Variants in NEUROD1 observed in about 807,000 individuals in gnomAD.
The protein encoded by NEUROD1 is neuronal differentiation 1, also known as neurogenic differentiation factor 1.
A neutral mutation model predicts 21.8 loss-of-function variants in NEUROD1; 9 were observed. That is an observed-to-expected ratio of 0.41 (90% CI 0.25 to 0.72). The LOEUF (loss-of-function observed/expected upper bound fraction) is 0.72. Ranked by LOEUF, NEUROD1 falls within the 30% of genes least tolerant of loss-of-function variation. The pLI is 0.31. For synonymous variants in NEUROD1, 199 were observed against 186.2 expected (o/e 1.07, Z -0.56); for missense variants, 434 against 468.8 (o/e 0.93, Z 0.69).
In NEUROD1 at chr2:181,678,160, A is replaced by C; in HGVS notation, c.701T>G (p.Met234Arg). 6.2e-7 allele frequency: 1 copy of C among 1,614,158 alleles called. No individual in the cohort carries two copies. Among genetic ancestry groups the C allele is most frequent in the Non-Finnish European group, 8.5e-7 (1 of 1,180,026 alleles). ...AACGTGGAAGACATGGGAGCTGTCCATGGTACCGTAAGGCGGACTGGGCAG... is the reference window on the plus strand; with the variant it reads ...AACGTGGAAGACATGGGAGCTGTCCCTGGTACCGTAAGGCGGACTGGGCAG... ...PGLPSPPYGT[M>R]DSSHVFHVKP... The change falls in exon 2 of 2, where the codon ATG (methionine) becomes AGG (arginine). Residue 234 changes from methionine (M) to arginine (R), a missense_variant. By Grantham distance (91) the Met-to-Arg change is moderately conservative. Coordinates refer to ENST00000295108, the MANE Select transcript of NEUROD1 (RefSeq NM_002500.5). The surrounding 1 kb of genome is among the most constrained non-coding windows in gnomAD (Gnocchi z 5.5).
downstream of NEUROD1, among the ~76,000 whole-genome samples, chr2:181,670,275 C>T (rs1056658366): frequency 1.3e-5 from 2 of 152,132 alleles, no homozygotes; most frequent in Non-Finnish European, 2.9e-5. Flanking sequence ...TCACACTTCA[C>T]TAAATGTAGA....
downstream of NEUROD1, among the ~76,000 whole-genome samples, chr2:181,676,120 C>T (rs1203423857): frequency 6.6e-6 from 1 of 151,934 alleles, no homozygotes; most frequent in Non-Finnish European, 1.5e-5. Context: ...TAAAATCCAC[C>T]TTTTAAAAAA....
At chr2:181,675,283 A>G (rs1289397510), downstream of NEUROD1, among the ~76,000 whole-genome samples, 2 of 152,246 alleles carry the variant, frequency 1.3e-5, no homozygotes, top group African/African-American at 4.8e-5. Context: ...TTGCTCTCAA[A>G]CATTTTTTTA....
Position 181,678,734 on chromosome 2 carries a change from G to T in NEUROD1, c.127C>A (p.Leu43Ile). 1 of 1,612,314 alleles carries T rather than the reference G, an allele frequency of 6.2e-7. No homozygotes were observed. The highest frequency in any genetic ancestry group is 1.1e-5 in the South Asian group (1 of 90,928). The change falls in exon 2 of 2, where the codon CTC becomes ATC. Residue 43 changes from leucine (L) to isoleucine (I), a missense_variant. Physicochemically the swap from Leu to Ile is conservative, Grantham distance 5 (BLOSUM62 2). Coordinates refer to ENST00000295108, the MANE Select transcript of NEUROD1 (RefSeq NM_002500.5). This position sits in a 1 kb window ranked among gnomAD's most constrained non-coding sequence, Gnocchi z 5.5. Reference protein sequence around the residue: ...EHEADKKEDDLETMNAEEDSL... With the variant: ...EHEADKKEDDIETMNAEEDSL... ...TCCTCCTCTGCGTTCATGGTTTCGA[G>T]GTCGTCCTCCTTCTTGTCTGCCTCG...
At chr2:181,679,405 G>C (rs1688657451) in intron 1 of NEUROD1, among the ~76,000 whole-genome samples, 1 of 152,170 alleles carries the variant, frequency 6.6e-6, no homozygotes, top group Non-Finnish European at 1.5e-5. Flanking sequence ...AGATTACATC[G>C]ACGGGATACT....
chr2:181,673,574 A>AT (rs1054186653), downstream of NEUROD1: 5 of 152,156 alleles, frequency 3.3e-5, no homozygotes, highest in African/African-American at 1.2e-4. Context: ...TATTTAGATG[A>AT]TTTTCAGGAA....
downstream of NEUROD1, chr2:181,673,097 C>T (rs1688520125): frequency 6.6e-6 from 1 of 152,206 alleles, no homozygotes; most frequent in Non-Finnish European, 1.5e-5. Context: ...GCCAAATCCA[C>T]ATTTAATGTA....
In NEUROD1 at chr2:181,678,415, T is replaced by C; in HGVS notation, c.446A>G (p.Tyr149Cys). 1 of 1,614,206 alleles carries C rather than the reference T, an allele frequency of 6.2e-7. No individual in the cohort carries two copies. The highest frequency in any genetic ancestry group is 2.2e-5 in the East Asian group (1 of 44,878). The change falls in exon 2 of 2, where the codon TAC becomes TGC. Residue 149 changes from tyrosine to cysteine, a missense_variant. Physicochemically the swap from Tyr to Cys is radical, Grantham distance 194 (BLOSUM62 -2). Transcript: ENST00000295108. The surrounding 1 kb of genome is among the most constrained non-coding windows in gnomAD (Gnocchi z 5.5). ...KIETLRLAKN[Y>C]IWALSEILRS... Reference sequence around the variant, plus strand: ...CAGGATCTCCGACAGAGCCCAGATGTAGTTCTTGGCCAAGCGCAGAGTCTC... The same window carrying C: ...CAGGATCTCCGACAGAGCCCAGATGCAGTTCTTGGCCAAGCGCAGAGTCTC...
downstream of NEUROD1, among the ~76,000 whole-genome samples, chr2:181,668,878 A>T (rs1688456356): frequency 6.6e-6 from 1 of 152,164 alleles, no homozygotes; most frequent in Non-Finnish European, 1.5e-5. Context: ...ATCCTTAGAG[A>T]CATTATTCTA....
downstream of NEUROD1, among the ~76,000 whole-genome samples, chr2:181,671,940 G>A (rs562385061): frequency 1.3e-5 from 2 of 152,170 alleles, no homozygotes; most frequent in East Asian, 3.9e-4. Context: ...CATTGAGCGC[G>A]AACACTAAAA....
chr2:181,676,676 C>T lies in NEUROD1; in HGVS notation c.*1114G>A, dbSNP rs1293917790. 1 of 152,562 alleles carries T rather than the reference C, an allele frequency of 6.6e-6. No individual in the cohort carries two copies. The highest frequency in any genetic ancestry group is 6.5e-5 in the Admixed American group (1 of 15,276). 9.5% of individuals were successfully genotyped at this position (152,562 alleles called of 1,614,324 possible). On this transcript the variant is annotated 3_prime_UTR_variant, in exon 2 of 2. Transcript: ENST00000295108. ...ATTAAATGGTTTGAATTTATTTAAG[C>T]TACTGTACTAATTGACTACTATAGA...
In NEUROD1 at chr2:181,678,681, C is replaced by T. The variant is rs931964140; in HGVS notation, c.180G>A (p.Glu60=). 2 of 1,611,694 alleles carry T rather than the reference C, an allele frequency of 1.2e-6. No individual in the cohort carries two copies. The highest frequency in any genetic ancestry group is 1.7e-4 in the Middle Eastern group (1 of 6,060). The part of the protein sequence containing the change: ...EDSLRNGGEE[E]DEDEDLEEEE... ...CCTCTTCCAGGTCCTCATCTTCGTC[C>T]TCCTCCTCTCCCCCGTTCCTCAGTG... Residue 60 remains glutamate (E), a synonymous_variant, in exon 2 of 2, where the codon GAG becomes GAA. Coordinates refer to ENST00000295108, the MANE Select transcript of NEUROD1 (RefSeq NM_002500.5). This position sits in a 1 kb window ranked among gnomAD's most constrained non-coding sequence, Gnocchi z 5.5.
exon 2 of NEUROD1, among the ~76,000 whole-genome samples, chr2:181,670,890 A>G (rs1388558511): frequency 1.3e-5 from 2 of 152,134 alleles, no homozygotes; most frequent in Admixed American, 6.5e-5. Context: ...ATCAATTTAC[A>G]TCTTATATCT....
exon 2 of NEUROD1, among the ~76,000 whole-genome samples, chr2:181,670,777 A>C (rs1006725545): frequency 1.3e-5 from 2 of 152,004 alleles, no homozygotes; most frequent in African/African-American, 4.8e-5. Flanking sequence ...TTGCCTTCAC[A>C]TGCCATTCTT....
chr2:181,678,768 G>T lies in NEUROD1; in HGVS notation c.93C>A (p.Asp31Glu), dbSNP rs1688642769. The T allele has an allele frequency of 6.2e-7, 1 of 1,613,004 alleles. No homozygotes were observed. Among genetic ancestry groups the T allele is most frequent in the Admixed American group, 1.7e-5 (1 of 59,910 alleles). ...SWTDECLSSQ[D>E]EEHEADKKED... ...CCTTCTTGTCTGCCTCGTGCTCCTC[G>T]TCCTGAGAACTGAGACACTCGTCTG... The change falls in exon 2 of 2, where the codon GAC becomes GAA. Residue 31 changes from aspartate to glutamate, a missense_variant. By Grantham distance (45) the Asp-to-Glu change is conservative. Coordinates refer to ENST00000295108, the MANE Select transcript of NEUROD1 (RefSeq NM_002500.5). The surrounding 1 kb of genome is among the most constrained non-coding windows in gnomAD (Gnocchi z 5.5).
intron 1 of NEUROD1, 140 bp downstream of exon 1, chr2:181,680,290 T>C (rs1194366876): frequency 6.6e-6 from 1 of 152,184 alleles, no homozygotes; most frequent in Non-Finnish European, 1.5e-5. Context: ...TGTGAGTACT[T>C]ATGGGCAATT....
In NEUROD1 at chr2:181,677,595, A is replaced by T; in HGVS notation, c.*195T>A. The T allele has an allele frequency of 2.1e-6, 2 of 943,606 alleles. No homozygotes were observed. The highest frequency in any genetic ancestry group is 3.2e-6 in the Non-Finnish European group (2 of 632,830). 58.5% of individuals were successfully genotyped at this position (943,606 alleles called of 1,614,324 possible). On this transcript the variant is annotated 3_prime_UTR_variant, in exon 2 of 2. Coordinates refer to ENST00000295108, the MANE Select transcript of NEUROD1 (RefSeq NM_002500.5). The stretch of plus-strand genomic sequence containing the variant: ...TTAAATAGAAGAGCTATAGAAAATA[A>T]TACATAAGGTGAACAGGAACTTTGA...
downstream of NEUROD1, among the ~76,000 whole-genome samples, chr2:181,673,987 T>G (rs1018855964): frequency 6.6e-6 from 1 of 152,118 alleles, no homozygotes; most frequent in African/African-American, 2.4e-5. Flanking sequence ...TTATAATCTT[T>G]CATTTTAATT....
rs763662093 is a variant in NEUROD1, at chr2:181,677,565, A to T, written c.*225T>A. On this transcript the variant is annotated 3_prime_UTR_variant, in exon 2 of 2. Coordinates refer to ENST00000295108, the MANE Select transcript of NEUROD1 (RefSeq NM_002500.5). ...TTTTTAAACTTTACTGTATTTTTTTATTTTTTAAATAGAAGAGCTATAGAA... is the reference window on the plus strand; with the variant it reads ...TTTTTAAACTTTACTGTATTTTTTTTTTTTTTAAATAGAAGAGCTATAGAA... 1 of 691,592 alleles carries T rather than the reference A, an allele frequency of 1.4e-6. No homozygotes were observed. Among genetic ancestry groups the T allele is most frequent in the Non-Finnish European group, 2.3e-6 (1 of 439,128 alleles). 42.8% of individuals were successfully genotyped at this position (691,592 alleles called of 1,614,324 possible). A position where few individuals can be genotyped will look rare whatever the true frequency, so the allele number is the denominator to read the frequency against.
Sources: gnomAD v4.1 joint callset for allele counts (sites outside exome capture counted in the v4.1 genomes callset) on GRCh38, gnomAD v4.1.1 for gene constraint, Gnocchi (gnomAD v3.1) non-coding constraint, MANE v1.5 for transcripts, NCBI Gene and HGNC (gene_info 2026-07-23, HGNC 2026-07-21) for gene names.